The following ANKIB1 variants were observed in gnomAD, a reference collection of about 807,000 sequenced individuals.
ANKIB1 encodes the protein ankyrin repeat and IBR domain containing 1, also known as ankyrin repeat and IBR domain-containing protein 1.
In ANKIB1, 43 loss-of-function variants were observed where a neutral mutation model predicts 122.1. The ratio of observed to expected loss-of-function variants is 0.35; its 90% CI spans 0.28 to 0.45. The LOEUF (loss-of-function observed/expected upper bound fraction) is 0.45, where lower values mean the gene tolerates loss of function less well. Ranked by LOEUF, ANKIB1 falls within the 20% of genes least tolerant of loss-of-function variation. ANKIB1 has a pLI of 1.00. For missense variants in ANKIB1, 992 were observed against 1,329.5 expected (o/e 0.75, Z 3.95); for synonymous variants, 390 against 442.0 (o/e 0.88, Z 1.48).
chr7:92,309,002 A>C (rs1802629585), intron 3 of ANKIB1, among the ~76,000 whole-genome samples: 1 of 152,182 alleles, frequency 6.6e-6, no homozygotes, highest in Admixed American at 6.5e-5. Flanking sequence ...AATATACCAA[A>C]AATATGAATG....
chr7:92,298,922 A>G (rs1802408380), intron 2 of ANKIB1, among the ~76,000 whole-genome samples: 1 of 152,248 alleles, frequency 6.6e-6, no homozygotes, highest in South Asian at 2.1e-4. Flanking sequence ...GCTACATACC[A>G]GAATACGACG....
intron 5 of ANKIB1, among the ~76,000 whole-genome samples, chr7:92,331,170 T>C (rs1251549129): frequency 6.6e-6 from 1 of 152,168 alleles, no homozygotes; most frequent in East Asian, 1.9e-4. Context: ...CTTAATCATG[T>C]AATAGTCCAA....
intron 2 of ANKIB1, among the ~76,000 whole-genome samples, chr7:92,300,874 G>A (rs541511078): frequency 6.6e-6 from 1 of 151,928 alleles, no homozygotes; most frequent in Non-Finnish European, 1.5e-5. Context: ...CCTGACCCTG[G>A]TTAACCACCA....
chr7:92,333,390 T>G (rs890342623), intron 5 of ANKIB1, among the ~76,000 whole-genome samples: 8 of 152,182 alleles, frequency 5.3e-5, no homozygotes, highest in Admixed American at 1.3e-4. Context: ...TTACCCTCCC[T>G]CCTGCCACAG....
chr7:92,398,131 A>G (rs1028249140), intron 19 of ANKIB1, 81 bp from the exon 20 acceptor site: 2 of 1,394,292 alleles, frequency 1.4e-6, no homozygotes, highest in Admixed American at 5.4e-5. Flanking sequence ...CTGTTGGTAA[A>G]GGAAGAATGG....
At chr7:92,365,430 A>G (rs542281833) in intron 10 of ANKIB1, among the ~76,000 whole-genome samples, 89 of 152,382 alleles carry the variant, frequency 5.8e-4, no homozygotes, top group African/African-American at 2.0e-3. Flanking sequence ...AGCGTGGCAT[A>G]TTCAAAGACT....
chr7:92,389,773 CACAT>C (rs2115705157), intron 14 of ANKIB1, among the ~76,000 whole-genome samples, 194 bp from the exon 15 acceptor site: 1 of 152,248 alleles, frequency 6.6e-6, no homozygotes, highest in Non-Finnish European at 1.5e-5. Context: ...CTTTTATAAA[CACAT>C]ACATGTCACA....
intron 5 of ANKIB1, among the ~76,000 whole-genome samples, chr7:92,329,538 A>T (rs901063879): frequency 2.6e-4 from 39 of 152,198 alleles, no homozygotes; most frequent in African/African-American, 8.7e-4. Flanking sequence ...CCACCTAAAC[A>T]ATAAAGATTA....
chr7:92,345,155 C>G (rs573775003), intron 7 of ANKIB1, 89 bp downstream of exon 7: 10 of 917,536 alleles, frequency 1.1e-5, no homozygotes, highest in Non-Finnish European at 1.7e-5. Flanking sequence ...TTTAATGATG[C>G]AAATTGTTTA....
intron 16 of ANKIB1, 82 bp downstream of exon 16, chr7:92,391,426 C>T: frequency 2.4e-6 from 3 of 1,232,252 alleles, no homozygotes; most frequent in Non-Finnish European, 3.2e-6. Flanking sequence ...AACTAGGGTT[C>T]ATATTCCTGG....
chr7:92,392,366 A>G (rs1804804119), intron 17 of ANKIB1, 74 bp downstream of exon 17: 1 of 1,300,888 alleles, frequency 7.7e-7, no homozygotes. Flanking sequence ...ATCCTTATCT[A>G]TTCTAAATCC....
intron 1 of ANKIB1, among the ~76,000 whole-genome samples, chr7:92,287,815 C>T (rs1415338551): frequency 6.6e-6 from 1 of 152,000 alleles, no homozygotes; most frequent in South Asian, 2.1e-4. Context: ...GTGGGCAGAT[C>T]ATGAGGTCAA....
intron 11 of ANKIB1, among the ~76,000 whole-genome samples, chr7:92,379,331 G>A (rs796992290): frequency 3.3e-5 from 5 of 152,336 alleles, no homozygotes; most frequent in African/African-American, 1.2e-4. Context: ...GGCAGAGCTT[G>A]CAGTGAGCCG....
At chr7:92,247,808 G>T (rs1221292425) in intron 1 of ANKIB1, among the ~76,000 whole-genome samples, 21 of 152,214 alleles carry the variant, frequency 1.4e-4, no homozygotes, top group Non-Finnish European at 2.9e-5. Flanking sequence ...GTGTAGTGTA[G>T]ACTGGTAGCT....
At chr7:92,398,081 G>T in intron 19 of ANKIB1, 131 bp from the exon 20 acceptor site, 1 of 1,103,208 alleles carries the variant, frequency 9.1e-7, no homozygotes. Context: ...CAAGATTTTA[G>T]TAGATAAAAT....
chr7:92,348,066 T>C, intron 7 of ANKIB1: 1 of 394,090 alleles, frequency 2.5e-6, no homozygotes, highest in Non-Finnish European at 4.9e-6. Flanking sequence ...ATCAACTCCA[T>C]GTTCTGCTCA....
intron 5 of ANKIB1, among the ~76,000 whole-genome samples, chr7:92,338,029 GATA>G (rs1430292011): frequency 6.6e-6 from 1 of 152,054 alleles, no homozygotes; most frequent in Non-Finnish European, 1.5e-5. Context: ...ATGAGAAATG[GATA>G]ATGTTTTGTG....
At chr7:92,313,431 A>T (rs1472672829) in intron 3 of ANKIB1, among the ~76,000 whole-genome samples, 2 of 152,164 alleles carry the variant, frequency 1.3e-5, no homozygotes, top group Non-Finnish European at 2.9e-5. Context: ...CAGGAATTAT[A>T]TTTCCGGTTC....
At chr7:92,279,000 G>A (rs1380108770) in intron 1 of ANKIB1, among the ~76,000 whole-genome samples, 3 of 152,196 alleles carry the variant, frequency 2.0e-5, no homozygotes, top group Non-Finnish European at 4.4e-5. Flanking sequence ...GACCGCTTAT[G>A]TGAAGACAGT....
Sources: allele counts gnomAD v4.1 joint callset (sites outside exome capture counted in the v4.1 genomes callset), GRCh38; gene constraint gnomAD v4.1.1; transcripts MANE v1.5; gene names NCBI Gene and HGNC (gene_info 2026-07-23, HGNC 2026-07-21).